Variants in INVS observed in about 807,000 individuals in gnomAD.
INVS encodes the protein inversin, also known as inversion of embryo turning homolog.
INVS carries 86 observed loss-of-function variants against 108.8 expected under a neutral mutation model. That is an observed-to-expected ratio of 0.79 (90% CI 0.66 to 0.95). The LOEUF (loss-of-function observed/expected upper bound fraction) is 0.95, where lower values mean the gene tolerates loss of function less well. INVS is among the 40% of genes least tolerant of loss of function. The probability of loss-of-function intolerance (pLI) is 0.00; values close to 1 mark genes in which losing one functional copy is unlikely to be tolerated. For synonymous variants in INVS, 455 were observed against 473.5 expected (o/e 0.96, Z 0.51); for missense variants, 1,169 against 1,297.4 (o/e 0.90, Z 1.52).
intron 12 of INVS, among the ~76,000 whole-genome samples, chr9:100,273,792 C>G (rs1833034974): frequency 6.6e-6 from 1 of 151,804 alleles, no homozygotes; most frequent in African/African-American, 2.4e-5. Context: ...CCCACCTCAT[C>G]CTCCCAAAGT....
At chr9:100,172,773 T>G (rs1438300132) in intron 3 of INVS, among the ~76,000 whole-genome samples, 1 of 152,210 alleles carries the variant, frequency 6.6e-6, no homozygotes, top group African/African-American at 2.4e-5. Flanking sequence ...AACTTGAAAT[T>G]CTGTCCAAGA....
chr9:100,134,522 T>G (rs989879473), intron 3 of INVS, among the ~76,000 whole-genome samples: 1 of 152,202 alleles, frequency 6.6e-6, no homozygotes, highest in African/African-American at 2.4e-5. Context: ...ATCTCCACAC[T>G]GTTTTCCATA....
chr9:100,147,718 G>A (rs929477209), intron 3 of INVS, among the ~76,000 whole-genome samples: 2 of 151,914 alleles, frequency 1.3e-5, no homozygotes, highest in Admixed American at 1.3e-4. Context: ...AAAGGAATCT[G>A]GTTTAAAAAA....
chr9:100,121,866 CAT>C (rs1054206290), intron 2 of INVS, among the ~76,000 whole-genome samples: 10 of 152,232 alleles, frequency 6.6e-5, no homozygotes, highest in South Asian at 4.1e-4. Context: ...AAGCTTCCCT[CAT>C]GTGTGGTGCA....
chr9:100,272,840 AAAG>A, intron 11 of INVS, 21 bp from the exon 12 acceptor site: 2 of 1,601,124 alleles, frequency 1.2e-6, no homozygotes, highest in Non-Finnish European at 1.7e-6. Context: ...ATTAAAAAAA[AAAG>A]AAATCTTCCT....
chr9:100,121,881 A>G (rs1827735293), intron 2 of INVS, among the ~76,000 whole-genome samples: 1 of 152,178 alleles, frequency 6.6e-6, no homozygotes, highest in Non-Finnish European at 1.5e-5. Flanking sequence ...GTGGTGCAAG[A>G]ACCTTACAAC....
intron 8 of INVS, among the ~76,000 whole-genome samples, chr9:100,250,607 G>A (rs1025964283): frequency 6.6e-6 from 1 of 152,130 alleles, no homozygotes; most frequent in Non-Finnish European, 1.5e-5. Context: ...CCCGTAGCAA[G>A]TCCTGTTGAC....
At chr9:100,294,408 C>T (rs1191982439) in intron 14 of INVS, among the ~76,000 whole-genome samples, 1 of 152,164 alleles carries the variant, frequency 6.6e-6, no homozygotes, top group African/African-American at 2.4e-5. Flanking sequence ...AACCCAGAGC[C>T]GGGTGATCTG....
chr9:100,295,247 T>G (rs1180915231), intron 14 of INVS, among the ~76,000 whole-genome samples: 2 of 151,902 alleles, frequency 1.3e-5, no homozygotes, highest in East Asian at 1.9e-4. Context: ...GTGACCAGAG[T>G]AGCAAATGAG....
At chr9:100,224,409 G>C (rs1831242778) in intron 3 of INVS, among the ~76,000 whole-genome samples, 1 of 152,102 alleles carries the variant, frequency 6.6e-6, no homozygotes, top group African/African-American at 2.4e-5. Context: ...ATACTGTTTG[G>C]TCACACTGAC....
At chr9:100,296,595 T>C (rs1189498611) in intron 14 of INVS, among the ~76,000 whole-genome samples, 2 of 152,218 alleles carry the variant, frequency 1.3e-5, no homozygotes, top group Admixed American at 1.3e-4. Flanking sequence ...CAGTCAGTCC[T>C]GCATCTGTTT....
intron 16 of INVS, 57 bp downstream of exon 16, chr9:100,298,067 T>G (rs1588154596): frequency 6.2e-7 from 1 of 1,613,300 alleles, no homozygotes; most frequent in South Asian, 1.1e-5. Context: ...GCATTTTCCT[T>G]TGTTTCATCC....
intron 6 of INVS, among the ~76,000 whole-genome samples, chr9:100,241,124 T>TA (rs1465573651): frequency 6.6e-6 from 1 of 152,132 alleles, no homozygotes; most frequent in East Asian, 1.9e-4. Context: ...ATCTTGATCT[T>TA]AGTTTTTAAA....
At chr9:100,101,121 T>G (rs2118804239) in intron 1 of INVS, among the ~76,000 whole-genome samples, 1 of 140,860 alleles carries the variant, frequency 7.1e-6, no homozygotes, top group African/African-American at 2.7e-5. Flanking sequence ...TTTAGTGTAT[T>G]TTTCAAAGGG....
intron 2 of INVS, among the ~76,000 whole-genome samples, chr9:100,115,686 G>A (rs1827493118): frequency 6.6e-6 from 1 of 152,146 alleles, no homozygotes; most frequent in South Asian, 2.1e-4. Flanking sequence ...TCTTAATCCA[G>A]TCTGTCATTA....
At chr9:100,296,157 G>GCTA (rs1384476124) in intron 14 of INVS, among the ~76,000 whole-genome samples, 3 of 152,198 alleles carry the variant, frequency 2.0e-5, no homozygotes, top group African/African-American at 7.2e-5. Flanking sequence ...GCTCTCTGCA[G>GCTA]CTACCTATAG....
intron 2 of INVS, chr9:100,117,449 G>T: frequency 1.3e-6 from 1 of 791,174 alleles, no homozygotes; most frequent in South Asian, 1.4e-5. Context: ...CTTGGTGACG[G>T]GCATGCACTC....
intron 11 of INVS, among the ~76,000 whole-genome samples, chr9:100,267,690 A>G (rs1392119125): frequency 2.6e-5 from 4 of 152,238 alleles, no homozygotes; most frequent in African/African-American, 7.2e-5. Context: ...GAATTTTTCT[A>G]AATTGAATTT....
chr9:100,205,936 T>C (rs969914069), intron 3 of INVS, among the ~76,000 whole-genome samples: 1 of 152,142 alleles, frequency 6.6e-6, no homozygotes, highest in Non-Finnish European at 1.5e-5. Flanking sequence ...AATCATCTAC[T>C]ACTAACTTCT....
Sources: allele counts gnomAD v4.1 joint callset (sites outside exome capture counted in the v4.1 genomes callset), GRCh38; gene constraint gnomAD v4.1.1; transcripts MANE v1.5; gene names NCBI Gene and HGNC (gene_info 2026-07-23, HGNC 2026-07-21).